Variants in MYO9B observed in about 807,000 individuals in gnomAD.
The protein encoded by MYO9B is myosin IXB.
A neutral mutation model predicts 229.5 loss-of-function variants in MYO9B; 71 were observed. The observed-to-expected ratio is 0.31, with a 90% CI of 0.26 to 0.38. MYO9B has a LOEUF of 0.38. Among genes scored for constraint, MYO9B ranks in the 10% least tolerant of loss-of-function variants. MYO9B has a pLI of 1.00. For synonymous variants in MYO9B, 1,185 were observed against 1,235.8 expected (o/e 0.96, Z 0.86); for missense variants, 2,255 against 2,920.5 (o/e 0.77, Z 5.25).
At chr19:17,151,423 G>C (rs912186320) in intron 3 of MYO9B, among the ~76,000 whole-genome samples, 1 of 152,146 alleles carries the variant, frequency 6.6e-6, no homozygotes, top group Non-Finnish European at 1.5e-5. Context: ...CAGACCCAGA[G>C]AAGGTACCTG....
At chr19:17,087,930 C>CA (rs60243402) in intron 1 of MYO9B, among the ~76,000 whole-genome samples, 14,939 of 99,392 alleles carry the variant, frequency 0.15, 1,045 homozygotes, top group Non-Finnish European at 0.17. Context: ...AACTCCGTCT[C>CA]AAAAAAAAAA....
chr19:17,101,725 T>A lies in MYO9B; in HGVS notation c.8T>A (p.Val3Glu). ...AGCCAGGCGGCCGGCAGGATGAGTG[T>A]GAAAGAGGCAGGCAGCTCGGGCCGC... MSVKEAGSSGRRE... is the reference protein window; with the variant it reads MSEKEAGSSGRRE... The change falls in exon 2 of 40, where the codon GTG (valine) becomes GAG (glutamate). Residue 3 changes from valine to glutamate, a missense_variant. This residue lies in a region of MYO9B where 386 missense variants were observed against 515.2 expected (regional missense o/e 0.75). Transcript: ENST00000682292. This position sits in a 1 kb window ranked among gnomAD's most constrained non-coding sequence, Gnocchi z 4.7. 2 of 1,575,906 alleles carry A rather than the reference T, an allele frequency of 1.3e-6. No homozygotes were observed. The highest frequency in any genetic ancestry group is 1.7e-6 in the Non-Finnish European group (2 of 1,166,796).
At chr19:17,157,167 C>T (rs747227533) in intron 7 of MYO9B, 129 bp downstream of exon 7, 33 of 1,153,154 alleles carry the variant, frequency 2.9e-5, no homozygotes, top group Non-Finnish European at 3.8e-5. Flanking sequence ...TCACGTCTTC[C>T]GCTATCATCT....
chr19:17,195,368 G>A lies in MYO9B; in HGVS notation c.3941G>A (p.Arg1314Gln), dbSNP rs767197878. 36 of 1,611,176 alleles carry A rather than the reference G, an allele frequency of 2.2e-5. No homozygotes were observed. The highest frequency in any genetic ancestry group is 1.0e-4 in the Admixed American group (6 of 59,930). ...CTGGCCAGCGCCGTGGAACTGTGGC[G>A]GGGCAAGAAGCTGGTGGCCGCCGCC... ...ERLASAVELW[R>Q]GKKLVAAASP... The change falls in exon 22 of 40, where the codon CGG (arginine) becomes CAG (glutamine). Residue 1314 changes from arginine to glutamine, a missense_variant. By Grantham distance (43) the Arg-to-Gln change is conservative. Coordinates refer to ENST00000682292, the MANE Select transcript of MYO9B (RefSeq NM_004145.4). This position sits in a 1 kb window ranked among gnomAD's most constrained non-coding sequence, Gnocchi z 4.5.
At chr19:17,198,469 T>C (rs2073071329) in intron 24 of MYO9B, among the ~76,000 whole-genome samples, 161 bp downstream of exon 24, 1 of 152,146 alleles carries the variant, frequency 6.6e-6, no homozygotes, top group African/African-American at 2.4e-5. Flanking sequence ...AGGCAGTGGC[T>C]CACGCCTATA....
chr19:17,195,304 G>A lies in MYO9B; in HGVS notation c.3877G>A (p.Gly1293Ser), dbSNP rs1488128752. ...TCAGGAAAAGCCCGACAGCCCCGGA[G>A]GCTCCACGCAGATCCAGCGGTACCT... ...RVQEKPDSPG[G>S]STQIQRYLDA... The change falls in exon 22 of 40, where the codon GGC (glycine) becomes AGC (serine). Residue 1293 changes from glycine to serine, a missense_variant. Transcript: ENST00000682292. This position sits in a 1 kb window ranked among gnomAD's most constrained non-coding sequence, Gnocchi z 4.5. 1 of 1,612,476 alleles carries A rather than the reference G, an allele frequency of 6.2e-7. No homozygotes were observed. The highest frequency in any genetic ancestry group is 1.3e-5 in the African/African-American group (1 of 74,908).
chr19:17,094,919 G>A (rs991645558), intron 1 of MYO9B, among the ~76,000 whole-genome samples: 3 of 152,008 alleles, frequency 2.0e-5, no homozygotes, highest in Non-Finnish European at 4.4e-5. Flanking sequence ...CTCCAGCCTG[G>A]GCAACAGAAT....
At chr19:17,152,755 G>A (rs185865016) in intron 4 of MYO9B, 49 bp downstream of exon 4, 183 of 1,515,496 alleles carry the variant, frequency 1.2e-4, no homozygotes, top group South Asian at 1.3e-4. Flanking sequence ...CCATGTCTAC[G>A]TTTCCTCCTA....
intron 18 of MYO9B, among the ~76,000 whole-genome samples, chr19:17,186,877 C>T (rs1197769810): frequency 6.6e-6 from 1 of 151,922 alleles, no homozygotes; most frequent in Non-Finnish European, 1.5e-5. Flanking sequence ...ATTACAGGTG[C>T]CCACCACGCC....
intron 1 of MYO9B, among the ~76,000 whole-genome samples, chr19:17,086,373 A>T (rs2057583394): frequency 6.6e-6 from 1 of 152,176 alleles, no homozygotes; most frequent in Admixed American, 6.5e-5. Context: ...GGGCACGTCC[A>T]GCTCGTTTGC....
chr19:17,145,423 C>A lies in MYO9B; in HGVS notation c.867C>A (p.His289Gln). ...CTTTTGGAAATGCCAAGACAGCCCA[C>A]AACAACAACTCCAGCCGGTTTGGGA... The part of the protein sequence containing the change: ...LEAFGNAKTA[H>Q]NNNSSRFGKF... Residue 289 changes from histidine to glutamine, a missense_variant, in exon 3 of 40, where the codon CAC (histidine) becomes CAA (glutamine). By Grantham distance (24) the His-to-Gln change is conservative. Coordinates refer to ENST00000682292, the MANE Select transcript of MYO9B (RefSeq NM_004145.4). The A allele has an allele frequency of 6.2e-7, 1 of 1,613,994 alleles. No individual in the cohort carries two copies. The highest frequency in any genetic ancestry group is 8.5e-7 in the Non-Finnish European group (1 of 1,179,880).
At chr19:17,150,269 G>C (rs1451807142) in intron 3 of MYO9B, among the ~76,000 whole-genome samples, 1 of 152,178 alleles carries the variant, frequency 6.6e-6, no homozygotes, top group East Asian at 1.9e-4. Flanking sequence ...TTAGCCAGGT[G>C]TGGTGGCTCA....
At chr19:17,205,701 G>C (rs2073152357) in intron 31 of MYO9B, among the ~76,000 whole-genome samples, 1 of 152,118 alleles carries the variant, frequency 6.6e-6, no homozygotes. Flanking sequence ...GTGGGGGCTA[G>C]GTTATAGCTC....
rs369898251 is a variant in MYO9B, at chr19:17,172,789, C to G, written c.1966C>G (p.Arg656Gly). 4 of 1,613,532 alleles carry G rather than the reference C, an allele frequency of 2.5e-6. No homozygotes were observed. In the East Asian group the frequency reaches 8.9e-5, roughly 36 times the overall value. ...DFREKNMDYMRPDIVALLRGS... is the reference protein window; with the variant it reads ...DFREKNMDYMGPDIVALLRGS... ...CCGGGAGAAGAACATGGACTACATG[C>G]GGCCAGACATCGTGGCCCTGCTGCG... The change falls in exon 13 of 40, where the codon CGG becomes GGG. Residue 656 changes from arginine to glycine, a missense_variant. Arg to Gly is a moderately radical substitution (Grantham distance 125, BLOSUM62 -2). Transcript: ENST00000682292. The surrounding 1 kb of genome is among the most constrained non-coding windows in gnomAD (Gnocchi z 8.2).
At chr19:17,087,617 G>C in intron 1 of MYO9B, among the ~76,000 whole-genome samples, 1 of 152,138 alleles carries the variant, frequency 6.6e-6, no homozygotes, top group East Asian at 1.9e-4. Flanking sequence ...CTGGGTGGCT[G>C]AGGAGGCCAC....
rs544537221 is a variant in MYO9B at position 17,212,391 on chromosome 19, C to T, written c.*81C>T. On this transcript the variant is annotated 3_prime_UTR_variant, in exon 40 of 40. Transcript: ENST00000682292. The surrounding 1 kb of genome is among the most constrained non-coding windows in gnomAD (Gnocchi z 5.4). ...GCGCCAGAGCTGCAGAGCTAGTGTT[C>T]GGCCCTCAGAGAAGGATCCAGAATC... The T allele has an allele frequency of 2.2e-5, 30 of 1,376,128 alleles. No individual in the cohort carries two copies. The highest frequency in any genetic ancestry group is 7.4e-5 in the African/African-American group (5 of 67,726). The allele number at this position is 1,376,128 out of a possible 1,614,324, so 85.2% of individuals were successfully genotyped here.
At chr19:17,198,754 A>G (rs2073074883) in intron 24 of MYO9B, among the ~76,000 whole-genome samples, 1 of 150,726 alleles carries the variant, frequency 6.6e-6, no homozygotes, top group Non-Finnish European at 1.5e-5. Flanking sequence ...AAAAAAAAAA[A>G]AAAGCCTCTA....
intron 2 of MYO9B, among the ~76,000 whole-genome samples, chr19:17,142,384 G>A (rs1397576741): frequency 2.0e-5 from 3 of 152,166 alleles, no homozygotes; most frequent in Admixed American, 1.3e-4. Context: ...AGGTAAAGGC[G>A]ATGGCTGCAC....
chr19:17,148,359 A>G (rs1471755297), intron 3 of MYO9B, among the ~76,000 whole-genome samples: 1 of 152,200 alleles, frequency 6.6e-6, no homozygotes, highest in Non-Finnish European at 1.5e-5. Flanking sequence ...AGGGACTGCC[A>G]TAACAGTGTA....
Sources: allele counts gnomAD v4.1 joint callset (sites outside exome capture counted in the v4.1 genomes callset), GRCh38; gene constraint gnomAD v4.1.1; regional missense constraint gnomAD v4.1.1; non-coding constraint Gnocchi (gnomAD v3.1); transcripts MANE v1.5; gene names NCBI Gene and HGNC (gene_info 2026-07-23, HGNC 2026-07-21).